C16orf74: variants seen among roughly 807,000 people sequenced by gnomAD.
C16orf74 encodes the protein uncharacterized protein C16orf74.
In C16orf74, 10 loss-of-function variants were observed where a neutral mutation model predicts 6.5. The ratio of observed to expected loss-of-function variants is 1.54; its 90% CI spans 0.95 to 2.61. The LOEUF (loss-of-function observed/expected upper bound fraction) is 2.61, where lower values mean the gene tolerates loss of function less well. Among genes scored for constraint, C16orf74 ranks in the 30% most tolerant of loss-of-function variants. The pLI is 0.00. For missense variants in C16orf74, 141 were observed against 105.9 expected (o/e 1.33, Z -1.45); for synonymous variants, 60 against 42.5 (o/e 1.41, Z -1.60).
rs1379513175 is a variant in C16orf74 at position 85,711,360 on chromosome 16, ATCCCAGCACT to A, written c.29-1063_29-1054del. On this transcript the variant is annotated intron_variant, in intron 2 of 3. Transcript: ENST00000284245. The stretch of plus-strand genomic sequence containing the variant: ...CTGGGCGTGGTGGCTCATACCTGTA[ATCCCAGCACT>A]TTGGAAGGCTGAAGTGGGCAGATCA... 2.0e-5 allele frequency among the ~76,000 whole-genome samples: 3 copies of A among 151,286 alleles called. No homozygotes were observed. In the South Asian group the frequency reaches 6.3e-4, roughly 32 times the overall value.
chr16:85,747,442 C>T (rs2054386621), intron 1 of C16orf74, among the ~76,000 whole-genome samples: 2 of 151,300 alleles, frequency 1.3e-5, no homozygotes, highest in South Asian at 4.2e-4. Context: ...ACAGAGAGAC[C>T]CCATCTCAAA....
intron 1 of C16orf74, among the ~76,000 whole-genome samples, chr16:85,736,863 G>A (rs930484122): frequency 6.6e-6 from 1 of 152,024 alleles, no homozygotes. Context: ...GGCCAACATG[G>A]TGAAACCCCA....
chr16:85,740,545 A>C (rs1322532264), intron 1 of C16orf74, among the ~76,000 whole-genome samples: 2 of 151,732 alleles, frequency 1.3e-5, no homozygotes, highest in African/African-American at 4.8e-5. Context: ...TACTAAAAAT[A>C]TAAAAAATTA....
chr16:85,735,054 G>C (rs2054228871), intron 2 of C16orf74, 136 bp downstream of exon 2: 2 of 588,082 alleles, frequency 3.4e-6, no homozygotes, highest in Non-Finnish European at 5.6e-6. Context: ...AGCACCTGCT[G>C]TGTACAGGAC....
At chr16:85,746,265 G>A (rs901371807) in intron 1 of C16orf74, among the ~76,000 whole-genome samples, 3 of 152,156 alleles carry the variant, frequency 2.0e-5, no homozygotes, top group Non-Finnish European at 2.9e-5. Context: ...CAGGAGAATC[G>A]CTTGAACTTG....
At chr16:85,723,501 G>A (rs922380375) in intron 2 of C16orf74, among the ~76,000 whole-genome samples, 4 of 152,128 alleles carry the variant, frequency 2.6e-5, no homozygotes, top group South Asian at 2.1e-4. Flanking sequence ...TGGCAAAAAC[G>A]GGAAAGCTGT....
At chr16:85,716,054 G>C (rs1263969874) in intron 2 of C16orf74, among the ~76,000 whole-genome samples, 1 of 152,164 alleles carries the variant, frequency 6.6e-6, no homozygotes, top group African/African-American at 2.4e-5. Flanking sequence ...GATCGTGTCT[G>C]TAACAGGAGG....
At chr16:85,722,444 C>A (rs986219429) in intron 2 of C16orf74, among the ~76,000 whole-genome samples, 1 of 152,192 alleles carries the variant, frequency 6.6e-6, no homozygotes, top group African/African-American at 2.4e-5. Context: ...GAGAGCGGAG[C>A]AGACTGAAGG....
At chr16:85,731,593 G>A (rs896803842) in intron 2 of C16orf74, among the ~76,000 whole-genome samples, 2 of 152,262 alleles carry the variant, frequency 1.3e-5, no homozygotes, top group Admixed American at 6.5e-5. Context: ...GAGAGTAATC[G>A]TATCCAGGGC....
rs1598807710 is a variant in C16orf74 at position 85,741,866 on chromosome 16, TTCA to T, written c.-18-6634_-18-6632del. On this transcript the variant is annotated intron_variant, in intron 1 of 3. Coordinates refer to ENST00000284245, the MANE Select transcript of C16orf74 (RefSeq NM_206967.3). Reference sequence around the variant, plus strand: ...CTGGGACAGAGTTGTCACCATCATCTTCATCATCATCATTGTTCTCATCATTCT... The same window carrying T: ...CTGGGACAGAGTTGTCACCATCATCTTCATCATCATTGTTCTCATCATTCT... Among the ~76,000 whole-genome samples the T allele has an allele frequency of 2.0e-5, 3 of 152,294 alleles. No homozygotes were observed. In the South Asian group the frequency reaches 6.2e-4, roughly 32 times the overall value.
chr16:85,718,934 C>A (rs984544111), intron 2 of C16orf74, among the ~76,000 whole-genome samples: 1 of 152,244 alleles, frequency 6.6e-6, no homozygotes, highest in Non-Finnish European at 1.5e-5. Context: ...TGCGGTCACG[C>A]AGCTGGAGTG....
intron 1 of C16orf74, among the ~76,000 whole-genome samples, chr16:85,749,525 C>T (rs145472089): frequency 2.9e-3 from 438 of 152,276 alleles, no homozygotes; most frequent in African/African-American, 1.0e-2. Flanking sequence ...TCAAGCACTC[C>T]TCCTGCTTTG....
At chr16:85,731,645 G>A (rs1022115812) in intron 2 of C16orf74, among the ~76,000 whole-genome samples, 17 of 152,156 alleles carry the variant, frequency 1.1e-4, no homozygotes, top group African/African-American at 3.9e-4. Context: ...ACCGGAGCCT[G>A]TGAGTGGGAA....
At chr16:85,727,215 C>T (rs546525305) in intron 2 of C16orf74, among the ~76,000 whole-genome samples, 22 of 152,316 alleles carry the variant, frequency 1.4e-4, no homozygotes, top group Admixed American at 1.4e-3. Flanking sequence ...TTCACACTGT[C>T]ACGGGGCCAT....
chr16:85,741,572 G>C (rs1220141463), intron 1 of C16orf74: 1 of 170,364 alleles, frequency 5.9e-6, no homozygotes, highest in African/African-American at 2.4e-5. Flanking sequence ...CTCCCACGTG[G>C]AGAGTTTTCA....
intron 2 of C16orf74, among the ~76,000 whole-genome samples, chr16:85,726,213 G>C (rs1350115012): frequency 6.6e-6 from 1 of 152,096 alleles, no homozygotes; most frequent in African/African-American, 2.4e-5. Flanking sequence ...GTGTGTGTTT[G>C]TTCACACACA....
chr16:85,712,748 C>T (rs419811), intron 2 of C16orf74, among the ~76,000 whole-genome samples: 146,779 of 152,304 alleles, frequency 0.96, 70,946 homozygotes, highest in East Asian at 1. Context: ...GCCCTTTGTG[C>T]AGTAAATAAT....
chr16:85,719,769 C>T (rs553223800), intron 2 of C16orf74, among the ~76,000 whole-genome samples: 2 of 152,032 alleles, frequency 1.3e-5, no homozygotes, highest in Non-Finnish European at 2.9e-5. Context: ...CACACAAAGG[C>T]CCTGAGGCAG....
chr16:85,710,451 G>C (rs181372894), intron 2 of C16orf74, 144 bp from the exon 3 acceptor site: 17 of 666,080 alleles, frequency 2.6e-5, no homozygotes, highest in Non-Finnish European at 3.5e-5. Flanking sequence ...AGCTGTCCCC[G>C]CATCACAGAT....
Sources: allele counts gnomAD v4.1 joint callset (sites outside exome capture counted in the v4.1 genomes callset), GRCh38; gene constraint gnomAD v4.1.1; transcripts MANE v1.5; gene names NCBI Gene and HGNC (gene_info 2026-07-23, HGNC 2026-07-21).